The following COLGALT2 variants were observed in gnomAD, a reference collection of about 807,000 sequenced individuals.
COLGALT2 encodes procollagen galactosyltransferase 2.
A neutral mutation model predicts 73.4 loss-of-function variants in COLGALT2; 49 were observed. That is an observed-to-expected ratio of 0.67 (90% CI 0.53 to 0.85). The LOEUF is 0.85. COLGALT2 is among the 40% of genes least tolerant of loss of function. The pLI is 0.00. For missense variants in COLGALT2, 722 were observed against 790.2 expected, an observed-to-expected ratio of 0.91 and a Z score of 1.03; for synonymous variants, 295 against 307.6, an observed-to-expected ratio of 0.96 and a Z score of 0.43.
intron 8 of COLGALT2, among the ~76,000 whole-genome samples, chr1:183,947,583 T>G (rs767696581): frequency 6.6e-6 from 1 of 152,196 alleles, no homozygotes; most frequent in African/African-American, 2.4e-5. Flanking sequence ...CCAAAACTTA[T>G]GCGATACACT....
chr1:183,986,486 G>C (rs187243158), intron 1 of COLGALT2, among the ~76,000 whole-genome samples: 1 of 152,194 alleles, frequency 6.6e-6, no homozygotes, highest in African/African-American at 2.4e-5. Flanking sequence ...ATAAATATTT[G>C]ATTCTAGAAA....
chr1:183,952,145 C>A (rs1463945873), intron 7 of COLGALT2, among the ~76,000 whole-genome samples: 2 of 152,172 alleles, frequency 1.3e-5, no homozygotes, highest in African/African-American at 4.8e-5. Flanking sequence ...GTATCTAAAG[C>A]TTTGTGAATG....
rs79919750 is a variant in COLGALT2 at position 183,938,212 on chromosome 1, A to T, written c.*549T>A. ...AGGGACTAAGATTTTTTTTTTTTAA[A>T]AAATCTACTTTTCAATAAGACTTGT... On this transcript the variant is annotated 3_prime_UTR_variant, in exon 12 of 12. Transcript: ENST00000361927. 0.23 allele frequency: 122,672 copies of T among 531,780 alleles called. 8,523 individuals are homozygous for T. Among genetic ancestry groups the T allele is most frequent in the East Asian group, 0.43 (3,029 of 7,084 alleles). The allele number at this position is 531,780 out of a possible 1,614,324, so 32.9% of individuals were successfully genotyped here. A position where few individuals can be genotyped will look rare whatever the true frequency, so the allele number is the denominator to read the frequency against.
At chr1:184,012,758 A>G (rs73050941) in intron 1 of COLGALT2, among the ~76,000 whole-genome samples, 6,914 of 152,312 alleles carry the variant, frequency 0.045, 447 homozygotes, top group African/African-American at 0.14. Context: ...CAGATAGGCC[A>G]TTGAGGAACT....
Position 183,944,189 on chromosome 1 carries a change from C to G in COLGALT2, c.1397+7G>C. 1 of 1,606,712 alleles carries G rather than the reference C, an allele frequency of 6.2e-7. No individual in the cohort carries two copies. Among genetic ancestry groups the G allele is most frequent in the Non-Finnish European group, 8.5e-7 (1 of 1,177,318 alleles). On this transcript the variant is annotated splice_region_variant and intron_variant, in intron 10 of 11. Coordinates refer to ENST00000361927, the MANE Select transcript of COLGALT2 (RefSeq NM_015101.4). ...GAGCCCTCTCGTAAGATCATCTTGT[C>G]ACTCACATCAGTTCCCAGTCCAGCT...
chr1:184,008,544 C>T (rs1267088355), intron 1 of COLGALT2, among the ~76,000 whole-genome samples: 1 of 152,056 alleles, frequency 6.6e-6, no homozygotes, highest in Non-Finnish European at 1.5e-5. Context: ...AGCCTGAGCA[C>T]ATATTGAGAA....
chr1:183,968,760 C>T (rs973069642), intron 5 of COLGALT2, among the ~76,000 whole-genome samples: 1 of 152,104 alleles, frequency 6.6e-6, no homozygotes, highest in African/African-American at 2.4e-5. Context: ...CCTGGGACTC[C>T]ACAATTAAGG....
rs145659616 is a variant in COLGALT2, at chr1:183,951,063, C to T, written c.1080G>A (p.Leu360=). Residue 360 remains leucine (L), a synonymous_variant, in exon 8 of 12, where the codon CTG becomes CTA. Coordinates refer to ENST00000361927, the MANE Select transcript of COLGALT2 (RefSeq NM_015101.4). ...CAATCTCCTGTTCATACAGTGTGCG[C>T]AGCATCCGGTCCCGCCTGTCCTTTC... ...KRRKDRRDRM[L]RTLYEQEIEV... is the part of the protein sequence containing the mutation. 11 of 1,613,866 alleles carry T rather than the reference C, an allele frequency of 6.8e-6. No homozygotes were observed. In the African/African-American group the frequency reaches 1.5e-4, roughly 22 times the overall value.
At chr1:183,966,143 A>C (rs139622857) in intron 5 of COLGALT2, among the ~76,000 whole-genome samples, 1,788 of 152,298 alleles carry the variant, frequency 0.012, 37 homozygotes, top group African/African-American at 0.04. Flanking sequence ...TTTCTTAATA[A>C]ACCATGGGGA....
chr1:183,940,574 G>A lies in COLGALT2; in HGVS notation c.1604+7C>T. The A allele has an allele frequency of 6.2e-7, 1 of 1,613,820 alleles. No homozygotes were observed. Among genetic ancestry groups the A allele is most frequent in the African/African-American group, 1.3e-5 (1 of 75,058 alleles). On this transcript the variant is annotated splice_region_variant and intron_variant, in intron 11 of 11. Transcript: ENST00000361927. ...CAAGGGAAGGCAGGCAGTTCAGGGAGACTCACACGGGATGCTTGTTGTACA... is the reference window on the plus strand; with the variant it reads ...CAAGGGAAGGCAGGCAGTTCAGGGAAACTCACACGGGATGCTTGTTGTACA...
intron 7 of COLGALT2, among the ~76,000 whole-genome samples, chr1:183,952,985 A>G (rs1483961825): frequency 6.6e-6 from 1 of 152,232 alleles, no homozygotes; most frequent in African/African-American, 2.4e-5. Flanking sequence ...GGTCACTCTA[A>G]GAGAACAAAA....
At chr1:184,034,952 G>C (rs529391682) in intron 1 of COLGALT2, among the ~76,000 whole-genome samples, 1 of 152,142 alleles carries the variant, frequency 6.6e-6, no homozygotes, top group African/African-American at 2.4e-5. Flanking sequence ...TTAGAAACTG[G>C]GATTTGTATT....
chr1:183,959,587 C>T (rs1670641540), intron 6 of COLGALT2, among the ~76,000 whole-genome samples: 1 of 152,000 alleles, frequency 6.6e-6, no homozygotes. Context: ...TCATCAACTC[C>T]TTGCTAGAGC....
chr1:183,962,395 G>A (rs1472242735), intron 6 of COLGALT2, among the ~76,000 whole-genome samples: 9 of 151,840 alleles, frequency 5.9e-5, no homozygotes, highest in African/African-American at 2.2e-4. Context: ...CTGACCTCAG[G>A]TGATCCACCT....
At chr1:183,981,945 A>T (rs1331877610) in intron 1 of COLGALT2, among the ~76,000 whole-genome samples, 1 of 152,180 alleles carries the variant, frequency 6.6e-6, no homozygotes, top group Non-Finnish European at 1.5e-5. Context: ...AAAATGGGAC[A>T]TAGAGGTATG....
chr1:183,999,822 G>C (rs1671867000), intron 1 of COLGALT2, among the ~76,000 whole-genome samples: 1 of 151,744 alleles, frequency 6.6e-6, no homozygotes, highest in Non-Finnish European at 1.5e-5. Context: ...TATACTGTTT[G>C]TATGACCAGT....
At chr1:183,957,975 C>T (rs1670598247) in intron 6 of COLGALT2, among the ~76,000 whole-genome samples, 1 of 152,062 alleles carries the variant, frequency 6.6e-6, no homozygotes, top group Non-Finnish European at 1.5e-5. Context: ...GTACCTGAGA[C>T]TTCCTATCAC....
chr1:184,028,781 A>G (rs954873155), intron 1 of COLGALT2, among the ~76,000 whole-genome samples: 1 of 152,198 alleles, frequency 6.6e-6, no homozygotes, highest in Non-Finnish European at 1.5e-5. Context: ...TGTGTTTCTG[A>G]AAGACATATC....
downstream of COLGALT2, among the ~76,000 whole-genome samples, chr1:183,934,918 T>C (rs573426169): frequency 4.6e-5 from 7 of 152,310 alleles, no homozygotes; most frequent in African/African-American, 1.7e-4. Context: ...GTGCTTATGA[T>C]GAGACAGCCC....
Sources: gnomAD v4.1 joint callset for allele counts (sites outside exome capture counted in the v4.1 genomes callset) on GRCh38, gnomAD v4.1.1 for gene constraint, MANE v1.5 for transcripts, NCBI Gene and HGNC (gene_info 2026-07-23, HGNC 2026-07-21) for gene names.